The following NEK10 variants were observed in gnomAD, a reference collection of about 807,000 sequenced individuals.
The protein encoded by NEK10 is serine/threonine-protein kinase Nek10.
NEK10 carries 122 observed loss-of-function variants against 159.8 expected under a neutral mutation model. The ratio of observed to expected loss-of-function variants is 0.76; its 90% confidence interval spans 0.66 to 0.89. NEK10 has a LOEUF of 0.89. NEK10 is among the 40% of genes least tolerant of loss of function. The probability of loss-of-function intolerance (pLI) is 0.00; values close to 1 mark genes in which losing one functional copy is unlikely to be tolerated. For synonymous variants in NEK10, 466 were observed against 457.1 expected, an observed-to-expected ratio of 1.02 and a Z score of -0.25; for missense variants, 1,342 against 1,323.1, an observed-to-expected ratio of 1.01 and a Z score of -0.22.
At chr3:27,214,238 T>C (rs973659122) in intron 23 of NEK10, among the ~76,000 whole-genome samples, 3 of 152,242 alleles carry the variant, frequency 2.0e-5, no homozygotes, top group Admixed American at 6.5e-5. Flanking sequence ...CCCTAAAACA[T>C]GTAAAACCAA....
chr3:27,243,985 C>T (rs1056680815), intron 23 of NEK10, among the ~76,000 whole-genome samples: 1 of 152,136 alleles, frequency 6.6e-6, no homozygotes, highest in Non-Finnish European at 1.5e-5. Context: ...GATGAATACA[C>T]ATCTCTCCTT....
intron 25 of NEK10, 47 bp from the exon 26 acceptor site, chr3:27,192,289 C>T (rs1949188430): frequency 1.4e-6 from 2 of 1,433,334 alleles, no homozygotes; most frequent in Non-Finnish European, 2.0e-6. Context: ...ATGTTGGGAG[C>T]AGGCCACAGA....
At position 27,134,784 on chromosome 3, in the gene NEK10, T is replaced by G. The variant is rs780087219; in HGVS notation, c.2971-2794A>C. ...CTTTGAAGTTTTTTCATACAAGAAT[T>G]TAAAATTTTACACAAAATGATGACT... On this transcript the variant is annotated intron_variant, in intron 31 of 35. Coordinates refer to ENST00000691995, the MANE Select transcript of NEK10 (RefSeq NM_001394966.1). Among the ~76,000 whole-genome samples, 8 of 152,244 alleles carry G rather than the reference T, an allele frequency of 5.3e-5. No individual in the cohort carries two copies. In the South Asian group the frequency reaches 1.7e-3, roughly 32 times the overall value.
chr3:27,298,351 C>A (rs181808372), intron 13 of NEK10, among the ~76,000 whole-genome samples: 22 of 152,248 alleles, frequency 1.4e-4, no homozygotes, highest in African/African-American at 5.1e-4. Flanking sequence ...CCTCTCTTTG[C>A]CTGCTGCCAT....
rs1017454570 is a variant in NEK10 at position 27,109,282 on chromosome 3, G to A, written c.*1990C>T. Among the ~76,000 whole-genome samples, 1 of 151,772 alleles carries A rather than the reference G, an allele frequency of 6.6e-6. No homozygotes were observed. The highest frequency in any genetic ancestry group is 1.5e-5 in the Non-Finnish European group (1 of 67,974). On this transcript the variant is annotated 3_prime_UTR_variant, in exon 36 of 36. Transcript: ENST00000691995. ...TAATCCCAGTTACTCGGGAGGCTGA[G>A]GCAGGAGAATTGCTTGAACCTGGGT...
At chr3:27,269,207 A>G (rs2041140855) in intron 22 of NEK10, among the ~76,000 whole-genome samples, 1 of 152,212 alleles carries the variant, frequency 6.6e-6, no homozygotes, top group African/African-American at 2.4e-5. Context: ...TGACAAGAAA[A>G]GATTTAGAAT....
Position 27,110,533 on chromosome 3 carries a change from CCT to C in NEK10, c.*737_*738del, listed in dbSNP as rs1275264600. 1 of 151,994 alleles carries C rather than the reference CCT, an allele frequency of 6.6e-6. No homozygotes were observed. Among genetic ancestry groups the C allele is most frequent in the African/African-American group, 2.4e-5 (1 of 41,396 alleles). The allele number at this position is 151,994 out of a possible 1,614,324, so 9.4% of individuals were successfully genotyped here. The stretch of plus-strand genomic sequence containing the variant: ...CAGCAAAGCATTAGTCTAATCAAAA[CCT>C]CTCTCCTTCCGCCCTCATATATAAA... On this transcript the variant is annotated 3_prime_UTR_variant, in exon 36 of 36. Transcript: ENST00000691995.
At chr3:27,330,740 C>T (rs2046335627) in intron 5 of NEK10, among the ~76,000 whole-genome samples, 1 of 152,082 alleles carries the variant, frequency 6.6e-6, no homozygotes, top group Non-Finnish European at 1.5e-5. Flanking sequence ...CGGAGTGCTT[C>T]AGGCAGAGGA....
At chr3:27,235,446 G>C (rs925662581) in intron 23 of NEK10, among the ~76,000 whole-genome samples, 1 of 152,124 alleles carries the variant, frequency 6.6e-6, no homozygotes, top group Admixed American at 6.6e-5. Flanking sequence ...ATTAAAAAGT[G>C]GGCAAAGGAC....
chr3:27,117,914 T>C (rs1047808993), intron 33 of NEK10, among the ~76,000 whole-genome samples: 4 of 152,186 alleles, frequency 2.6e-5, no homozygotes, highest in African/African-American at 9.7e-5. Flanking sequence ...CTGAATGGTA[T>C]TGTCTAGATT....
intron 35 of NEK10, among the ~76,000 whole-genome samples, chr3:27,112,560 C>T (rs1301365722): frequency 6.6e-6 from 1 of 152,222 alleles, no homozygotes; most frequent in Non-Finnish European, 1.5e-5. Context: ...CGGTGTTCCT[C>T]ATTTCCAACC....
intron 23 of NEK10, among the ~76,000 whole-genome samples, chr3:27,238,270 G>T (rs973169598): frequency 2.6e-5 from 4 of 152,124 alleles, no homozygotes; most frequent in Admixed American, 2.6e-4. Flanking sequence ...CTATAGAAAA[G>T]CACTCATTAA....
At chr3:27,203,641 C>A (rs921605369) in intron 23 of NEK10, among the ~76,000 whole-genome samples, 6 of 152,028 alleles carry the variant, frequency 3.9e-5, no homozygotes, top group African/African-American at 1.5e-4. Flanking sequence ...TGGGTCTGGC[C>A]TCAGTACTCT....
At chr3:27,238,784 TG>T (rs1954244228) in intron 23 of NEK10, among the ~76,000 whole-genome samples, 6 of 149,876 alleles carry the variant, frequency 4.0e-5, no homozygotes, top group Non-Finnish European at 8.9e-5. Context: ...TGTGTGTGTG[TG>T]TGTGTATGTG....
Position 27,171,836 on chromosome 3 carries a change from T to C in NEK10, c.2814A>G (p.Glu938=). Residue 938 remains glutamate, a synonymous_variant, in exon 29 of 36, where the codon GAA becomes GAG. Transcript: ENST00000691995. ...GCACCTACCTTGTTTGGGATTGTCT[T>C]TCTCCTCCTGAAGCACTAAAACTTC... ...LKRSFSASGG[E]RQSQTRDFTG... The C allele has an allele frequency of 1.2e-6, 2 of 1,613,946 alleles. No individual in the cohort carries two copies. The highest frequency in any genetic ancestry group is 1.7e-6 in the Non-Finnish European group (2 of 1,179,936).
chr3:27,227,615 G>C (rs751683800), intron 23 of NEK10, among the ~76,000 whole-genome samples: 5 of 152,052 alleles, frequency 3.3e-5, no homozygotes, highest in Non-Finnish European at 5.9e-5. Context: ...TGGCTGAAGG[G>C]GTACAGGATA....
chr3:27,324,774 A>C (rs1014878941), intron 5 of NEK10, among the ~76,000 whole-genome samples: 3 of 151,906 alleles, frequency 2.0e-5, no homozygotes, highest in African/African-American at 4.8e-5. Context: ...CCTCCAACAG[A>C]CCCCATCTCG....
intron 11 of NEK10, among the ~76,000 whole-genome samples, chr3:27,306,371 T>A (rs947675819): frequency 2.6e-5 from 4 of 152,200 alleles, no homozygotes; most frequent in African/African-American, 7.2e-5. Flanking sequence ...CCTGAGCTGA[T>A]TACCTATGGC....
At chr3:27,300,799 A>G (rs752635168) in intron 13 of NEK10, among the ~76,000 whole-genome samples, 2 of 152,220 alleles carry the variant, frequency 1.3e-5, no homozygotes, top group Non-Finnish European at 2.9e-5. Context: ...GTAAACCCCC[A>G]GCACAAGACC....
Sources: gnomAD v4.1 joint callset for allele counts (sites outside exome capture counted in the v4.1 genomes callset) on GRCh38, gnomAD v4.1.1 for gene constraint, MANE v1.5 for transcripts, NCBI Gene and HGNC (gene_info 2026-07-23, HGNC 2026-07-21) for gene names.